GALNT12: variants seen among roughly 807,000 people sequenced by gnomAD.
GALNT12 encodes polypeptide N-acetylgalactosaminyltransferase 12.
A neutral mutation model predicts 55.5 loss-of-function variants in GALNT12; 45 were observed. That is an observed-to-expected ratio of 0.81 (90% CI 0.64 to 1.04). The LOEUF is 1.04. GALNT12 is among the 50% of genes least tolerant of loss of function. The pLI is 0.00. For missense variants in GALNT12, 709 were observed against 754.8 expected (o/e 0.94, Z 0.71); for synonymous variants, 304 against 312.2 (o/e 0.97, Z 0.28).
chr9:98,816,035 G>A (rs770184932), intron 1 of GALNT12, among the ~76,000 whole-genome samples: 24 of 152,114 alleles, frequency 1.6e-4, no homozygotes, highest in Non-Finnish European at 3.2e-4. Context: ...AAAGTACAAG[G>A]CGTGCTGAAA....
chr9:98,839,204 C>T (rs1312948567), intron 6 of GALNT12, among the ~76,000 whole-genome samples: 2 of 152,236 alleles, frequency 1.3e-5, no homozygotes, highest in Admixed American at 1.3e-4. Flanking sequence ...TAAATGGATA[C>T]TTGGCTGAAG....
At position 98,807,967 on chromosome 9, in the gene GALNT12, A is replaced by C. The variant is rs1835414077; in HGVS notation, c.269A>C (p.Glu90Ala). ...GTGCGGCTGCAGCTGCAGGGCGAGG[A>C]GCTGCGGCTGCAGGAGGAGAGCGTG... Reference protein sequence around the residue: ...EAVRLQLQGEELRLQEESVRL... With the variant: ...EAVRLQLQGEALRLQEESVRL... Residue 90 changes from glutamate to alanine, a missense_variant, in exon 1 of 10, where the codon GAG becomes GCG. By Grantham distance (107) the Glu-to-Ala change is moderately radical (BLOSUM62 -1). Coordinates refer to ENST00000375011, the MANE Select transcript of GALNT12 (RefSeq NM_024642.5). 6.8e-7 allele frequency: 1 copy of C among 1,473,682 alleles called. No homozygotes were observed. Among genetic ancestry groups the C allele is most frequent in the Non-Finnish European group, 9.0e-7 (1 of 1,109,482 alleles). 91.3% of individuals were successfully genotyped at this position (1,473,682 alleles called of 1,614,324 possible).
intron 5 of GALNT12, among the ~76,000 whole-genome samples, chr9:98,835,988 G>GGC (rs1836133753): frequency 6.6e-6 from 1 of 152,156 alleles, no homozygotes. Flanking sequence ...CACCCGCCTT[G>GGC]GCCTCCCAAA....
intron 9 of GALNT12, chr9:98,848,665 C>G (rs1588461098): frequency 2.2e-6 from 1 of 457,968 alleles, no homozygotes; most frequent in East Asian, 4.3e-5. Context: ...TTCCTGATTT[C>G]CCTGAAGGAA....
At chr9:98,825,058 C>T (rs931064772) in intron 2 of GALNT12, among the ~76,000 whole-genome samples, 12 of 152,068 alleles carry the variant, frequency 7.9e-5, no homozygotes, top group Non-Finnish European at 1.2e-4. Flanking sequence ...TAGCTTCTAC[C>T]TTGTAGGATC....
intron 1 of GALNT12, among the ~76,000 whole-genome samples, chr9:98,810,620 G>T (rs577854352): frequency 5.9e-5 from 9 of 152,244 alleles, no homozygotes; most frequent in Non-Finnish European, 1.5e-5. Flanking sequence ...AATGACTAAG[G>T]GACCACTTGG....
intron 9 of GALNT12, among the ~76,000 whole-genome samples, chr9:98,846,473 C>G (rs1193277847): frequency 6.6e-6 from 1 of 152,144 alleles, no homozygotes; most frequent in Admixed American, 6.5e-5. Context: ...AATGAGTAAG[C>G]CAAATAGCCC....
intron 3 of GALNT12, among the ~76,000 whole-genome samples, chr9:98,829,466 G>A (rs186493192): frequency 6.6e-6 from 1 of 152,260 alleles, no homozygotes; most frequent in African/African-American, 2.4e-5. Flanking sequence ...TGGGATTACA[G>A]GCATGAACCA....
At chr9:98,837,246 G>A in intron 6 of GALNT12, 98 bp downstream of exon 6, 1 of 1,200,430 alleles carries the variant, frequency 8.3e-7, no homozygotes, top group Non-Finnish European at 1.2e-6. Context: ...TCCAGAAATA[G>A]AGAATAAATT....
intron 4 of GALNT12, 109 bp downstream of exon 4, chr9:98,832,066 C>A: frequency 3.3e-6 from 3 of 912,772 alleles, no homozygotes; most frequent in Non-Finnish European, 5.3e-6. Context: ...AGCTTAACTA[C>A]CTCCCCTCTT....
At chr9:98,820,329 A>C (rs944384388) in intron 1 of GALNT12, among the ~76,000 whole-genome samples, 11 of 152,158 alleles carry the variant, frequency 7.2e-5, no homozygotes, top group Admixed American at 3.3e-4. Context: ...TCTCACTTAA[A>C]AGTGAGAACA....
At chr9:98,808,631 G>C (rs12005040) in intron 1 of GALNT12, among the ~76,000 whole-genome samples, 1 of 152,222 alleles carries the variant, frequency 6.6e-6, no homozygotes, top group Admixed American at 6.5e-5. Flanking sequence ...AGGAAGGCGG[G>C]AAGGGGCACG....
chr9:98,835,435 C>T lies in GALNT12; in HGVS notation c.1035+69C>T. ...CTCTCTTTGGGAACGATGGGATTTG[C>T]TGTAAGAGCCTGGTGGACCCTGAAA... is the stretch of plus-strand genomic sequence containing the variant. On this transcript the variant is annotated intron_variant, in intron 5 of 9. Transcript: ENST00000375011. 3.1e-6 allele frequency: 3 copies of T among 960,504 alleles called. No homozygotes were observed. The East Asian group carries it at 7.1e-5, about 23-fold the overall frequency. The allele number at this position is 960,504 out of a possible 1,614,324, so 59.5% of individuals were successfully genotyped here. A position where few individuals can be genotyped will look rare whatever the true frequency, so the allele number is the denominator to read the frequency against.
chr9:98,844,311 A>G (rs1410068836), intron 8 of GALNT12, 102 bp downstream of exon 8: 13 of 821,400 alleles, frequency 1.6e-5, no homozygotes, highest in Non-Finnish European at 2.5e-5. Flanking sequence ...AAATATAAAA[A>G]GTAGAAGCCT....
Position 98,835,368 on chromosome 9 carries a change from T to A in GALNT12, c.1035+2T>A, listed in dbSNP as rs1468528410. The A allele has an allele frequency of 4.6e-6, 7 of 1,537,374 alleles. No homozygotes were observed. In the South Asian group the frequency reaches 7.8e-5, roughly 17 times the overall value. On this transcript the variant is annotated splice_donor_variant, in intron 5 of 9. Transcript: ENST00000375011. LOFTEE classifies it high-confidence loss of function. ...GAAAACCTCGAATTTTCCTTTAGGG[T>A]AAGTATTTCAGTCTTCTCTTTGGAC...
chr9:98,839,601 G>A (rs967518890), intron 6 of GALNT12, among the ~76,000 whole-genome samples: 11 of 152,360 alleles, frequency 7.2e-5, no homozygotes, highest in Admixed American at 3.3e-4. Context: ...CATGGCATAT[G>A]TTTCGGTGAA....
intron 4 of GALNT12, 124 bp downstream of exon 4, chr9:98,832,081 C>CT: frequency 1.3e-6 from 1 of 792,826 alleles, no homozygotes; most frequent in South Asian, 1.5e-5. Context: ...CCTCTTCCCA[C>CT]TTTTTTGCCC....
rs1289673662 is a variant in GALNT12, at chr9:98,829,040, G to C, written c.731+2099G>C. On this transcript the variant is annotated intron_variant, in intron 3 of 9. Transcript: ENST00000375011. Reference sequence around the variant, plus strand: ...GGACAGAGTTTCACGATGTTGGCCAGGCTGGTCTCGAACTCCTAACCTCAG... The same window carrying C: ...GGACAGAGTTTCACGATGTTGGCCACGCTGGTCTCGAACTCCTAACCTCAG... Among the ~76,000 whole-genome samples the C allele has an allele frequency of 2.0e-5, 3 of 152,090 alleles. No individual in the cohort carries two copies. In the East Asian group the frequency reaches 5.8e-4, roughly 29 times the overall value.
rs199948667 is a variant in GALNT12, at chr9:98,810,662, C to T, written c.371+2593C>T. Among the ~76,000 whole-genome samples, 347 of 152,230 alleles carry T rather than the reference C, an allele frequency of 2.3e-3. 3 individuals carry two copies. The highest frequency in any genetic ancestry group is 0.017 in the Admixed American group (256 of 15,290). On this transcript the variant is annotated intron_variant, in intron 1 of 9. Coordinates refer to ENST00000375011, the MANE Select transcript of GALNT12 (RefSeq NM_024642.5). Reference sequence around the variant, plus strand: ...TCTTCCTGGTGTCAGCAGGGTGTGGCACTGTGTCTGCCTTCTTGAAGAAGG... The same window carrying T: ...TCTTCCTGGTGTCAGCAGGGTGTGGTACTGTGTCTGCCTTCTTGAAGAAGG...
Sources: allele counts gnomAD v4.1 joint callset (sites outside exome capture counted in the v4.1 genomes callset), GRCh38; gene constraint gnomAD v4.1.1; transcripts MANE v1.5; gene names NCBI Gene and HGNC (gene_info 2026-07-23, HGNC 2026-07-21).